The following TRAT1 variants were observed in gnomAD, a reference collection of about 807,000 sequenced individuals.
The protein encoded by TRAT1 is T-cell receptor-associated transmembrane adapter 1.
A neutral mutation model predicts 20.0 loss-of-function variants in TRAT1; 20 were observed. The ratio of observed to expected loss-of-function variants is 1.00; its 90% CI spans 0.70 to 1.45. TRAT1 has a LOEUF of 1.45. Ranked by LOEUF, TRAT1 falls within the 40% of genes most tolerant of loss-of-function variation. The pLI is 0.00. For missense variants in TRAT1, 237 were observed against 224.1 expected (o/e 1.06, Z -0.37); for synonymous variants, 77 against 74.2 (o/e 1.04, Z -0.20).
At chr3:108,828,584 C>T (rs1279057520) in intron 1 of TRAT1, among the ~76,000 whole-genome samples, 1 of 152,018 alleles carries the variant, frequency 6.6e-6, no homozygotes, top group Admixed American at 6.6e-5. Flanking sequence ...TTTGAGACAC[C>T]ATGTGATGTA....
At chr3:108,839,254 G>C in intron 3 of TRAT1, 1 of 396,406 alleles carries the variant, frequency 2.5e-6, no homozygotes, top group Non-Finnish European at 4.5e-6. Context: ...AGATAGCCTA[G>C]ATTATGATCC....
At position 108,853,754 on chromosome 3, in the gene TRAT1, C is replaced by T. The variant is rs140785171; in HGVS notation, c.438C>T (p.Ser146=). 4.3e-6 allele frequency: 7 copies of T among 1,614,004 alleles called. No individual in the cohort carries two copies. The East Asian group carries it at 8.9e-5, about 21-fold the overall frequency. ...GDEQLHAIDA[S]VSKTTLVDSF... ...AGCAACTACATGCAATAGATGCCAG[C>T]GTTTCTAAGACCACCTTAGTAGACA... Residue 146 remains serine (S), a synonymous_variant, in exon 6 of 6, where the codon AGC becomes AGT. Coordinates refer to ENST00000295756, the MANE Select transcript of TRAT1 (RefSeq NM_016388.4).
At chr3:108,835,006 A>G (rs1576519815) in intron 2 of TRAT1, among the ~76,000 whole-genome samples, 1 of 152,306 alleles carries the variant, frequency 6.6e-6, no homozygotes, top group Admixed American at 6.5e-5. Context: ...TTTAAATCCA[A>G]AAACTATTCT....
At chr3:108,844,704 T>C (rs1001029364) in intron 3 of TRAT1, among the ~76,000 whole-genome samples, 2 of 149,804 alleles carry the variant, frequency 1.3e-5, no homozygotes, top group Admixed American at 6.7e-5. Context: ...ATTAGCTGGG[T>C]GTGGTGGCGG....
At position 108,854,151 on chromosome 3, in the gene TRAT1, A is replaced by C; in HGVS notation, c.*274A>C. On this transcript the variant is annotated 3_prime_UTR_variant, in exon 6 of 6. Transcript: ENST00000295756. ...TCGGCAGCACATATACTAAAAATTA[A>C]TAAGACCCAGCTTGAAAATTGAGCC... The C allele has an allele frequency of 3.5e-6, 1 of 289,442 alleles. No homozygotes were observed. Among genetic ancestry groups the C allele is most frequent in the Non-Finnish European group, 6.5e-6 (1 of 154,398 alleles). 17.9% of individuals were successfully genotyped at this position (289,442 alleles called of 1,614,324 possible).
rs752600632 is a variant in TRAT1 at position 108,853,836 on chromosome 3, C to T, written c.520C>T (p.Leu174=). ...AAACATTCATGATGATCCCATCAGA[C>T]TGTTTGGATTGATCCGTGCTAAGAG... is the stretch of plus-strand genomic sequence containing the variant. ...EENIHDDPIR[L]FGLIRAKREP... Residue 174 remains leucine, a synonymous_variant, in exon 6 of 6, where the codon CTG becomes TTG. Transcript: ENST00000295756. 4.3e-6 allele frequency: 7 copies of T among 1,613,846 alleles called. No individual in the cohort carries two copies. The African/African-American group carries it at 9.3e-5, about 22-fold the overall frequency.
At chr3:108,841,447 T>A (rs1443625121) in intron 3 of TRAT1, among the ~76,000 whole-genome samples, 1 of 152,064 alleles carries the variant, frequency 6.6e-6, no homozygotes. Context: ...AACTAAAAAC[T>A]ATCTGAATCC....
intron 5 of TRAT1, 46 bp downstream of exon 5, chr3:108,849,300 A>G (rs773321914): frequency 6.7e-7 from 1 of 1,500,916 alleles, no homozygotes; most frequent in African/African-American, 1.4e-5. Flanking sequence ...TCAAGAGCAT[A>G]AGAGTAGTAC....
At chr3:108,824,408 A>G (rs190045925) in intron 1 of TRAT1, among the ~76,000 whole-genome samples, 31 of 152,274 alleles carry the variant, frequency 2.0e-4, no homozygotes, top group Admixed American at 2.0e-3. Context: ...ATCGTCACTA[A>G]TCTCATAAGC....
chr3:108,851,236 T>A (rs1576526055), intron 5 of TRAT1, among the ~76,000 whole-genome samples: 1 of 152,260 alleles, frequency 6.6e-6, no homozygotes, highest in East Asian at 1.9e-4. Context: ...TTGGAAAAAA[T>A]GTAAATAGGC....
intron 2 of TRAT1, among the ~76,000 whole-genome samples, chr3:108,834,675 A>C (rs1331185546): frequency 6.6e-6 from 1 of 151,996 alleles, no homozygotes; most frequent in Non-Finnish European, 1.5e-5. Context: ...TCTTTTTGTT[A>C]CTCTTTGTGG....
intron 5 of TRAT1, among the ~76,000 whole-genome samples, chr3:108,850,452 C>T (rs1249997185): frequency 6.6e-6 from 1 of 152,012 alleles, no homozygotes; most frequent in African/African-American, 2.4e-5. Flanking sequence ...TTACAGGTGC[C>T]TGCCACCATG....
rs548386605 is a variant in TRAT1, at chr3:108,841,010, C to A, written c.152+2043C>A. ...GCTGGGCTAAAGCACTGAAGGATAT[C>A]CTGTTTCTGTGAGAGACTAGAATAA... On this transcript the variant is annotated intron_variant, in intron 3 of 5. Transcript: ENST00000295756. Among the ~76,000 whole-genome samples, 10 of 152,360 alleles carry A rather than the reference C, an allele frequency of 6.6e-5. No homozygotes were observed. The East Asian group carries it at 1.7e-3, about 26-fold the overall frequency.
chr3:108,852,151 C>T (rs1292424034), intron 5 of TRAT1, among the ~76,000 whole-genome samples: 4 of 152,250 alleles, frequency 2.6e-5, no homozygotes, highest in African/African-American at 9.6e-5. Flanking sequence ...GAGGCCGAGG[C>T]GGGCGGATCA....
intron 3 of TRAT1, among the ~76,000 whole-genome samples, chr3:108,844,671 C>T (rs1049418963): frequency 6.6e-6 from 1 of 150,936 alleles, no homozygotes; most frequent in African/African-American, 2.4e-5. Flanking sequence ...GGTGAAACCC[C>T]GTCTCTACTA....
At chr3:108,846,073 C>T (rs750380569) in intron 3 of TRAT1, among the ~76,000 whole-genome samples, 1 of 152,192 alleles carries the variant, frequency 6.6e-6, no homozygotes, top group African/African-American at 2.4e-5. Flanking sequence ...ACTGTTTCCC[C>T]ACAGCCTTTG....
At chr3:108,839,085 G>A in intron 3 of TRAT1, 118 bp downstream of exon 3, 1 of 795,706 alleles carries the variant, frequency 1.3e-6, no homozygotes, top group Non-Finnish European at 2.1e-6. Flanking sequence ...GAAATGAAAA[G>A]TGAGTTTTAA....
intron 3 of TRAT1, among the ~76,000 whole-genome samples, chr3:108,845,041 C>G (rs947545154): frequency 1.3e-5 from 2 of 152,020 alleles, no homozygotes; most frequent in Non-Finnish European, 2.9e-5. Flanking sequence ...CTCAGAGGTA[C>G]ACTAGCCTCT....
chr3:108,845,632 T>G (rs1364769217), intron 3 of TRAT1, among the ~76,000 whole-genome samples: 4 of 152,260 alleles, frequency 2.6e-5, no homozygotes, highest in African/African-American at 9.6e-5. Flanking sequence ...ACCTACGTAC[T>G]ATTTACATAT....
Sources: allele counts gnomAD v4.1 joint callset (sites outside exome capture counted in the v4.1 genomes callset), GRCh38; gene constraint gnomAD v4.1.1; transcripts MANE v1.5; gene names NCBI Gene and HGNC (gene_info 2026-07-23, HGNC 2026-07-21).